LINGO1: variants seen among roughly 807,000 people sequenced by gnomAD.
LINGO1 encodes the protein leucine rich repeat and Ig domain containing 1, also known as leucine-rich repeat and immunoglobulin-like domain-containing nogo receptor-interacting protein 1.
A neutral mutation model predicts 37.3 loss-of-function variants in LINGO1; 11 were observed. That is an observed-to-expected ratio of 0.29 (90% CI 0.19 to 0.49). The LOEUF is 0.49. Among genes scored for constraint, LINGO1 ranks in the 20% least tolerant of loss-of-function variants. The probability of loss-of-function intolerance (pLI) is 0.99; values close to 1 mark genes in which losing one functional copy is unlikely to be tolerated. For synonymous variants in LINGO1, 387 were observed against 403.0 expected (o/e 0.96, Z 0.48); for missense variants, 585 against 878.2 (o/e 0.67, Z 4.22).
At chr15:77,701,106 T>C (rs2075777005), upstream of LINGO1, among the ~76,000 whole-genome samples, 3 of 152,190 alleles carry the variant, frequency 2.0e-5, no homozygotes, top group South Asian at 6.2e-4. Context: ...CATATGTCCC[T>C]TGCCCAAGGT....
chr15:77,711,323 G>C lies in LINGO1; in HGVS notation c.-194-20422C>G, dbSNP rs546503628. 4.6e-5 allele frequency among the ~76,000 whole-genome samples: 7 copies of C among 152,352 alleles called. 1 individual carries two copies. The East Asian group carries it at 9.6e-4, about 21-fold the overall frequency. On this transcript the variant is annotated intron_variant, in intron 2 of 3. Transcript: ENST00000561686. Reference sequence around the variant, plus strand: ...CCTATGAGACTGTGGCTTAAAGAGAGGCATGGTGCCTGTGTCACCTCTGTG... The same window carrying C: ...CCTATGAGACTGTGGCTTAAAGAGACGCATGGTGCCTGTGTCACCTCTGTG...
chr15:77,653,763 CATCTGA>C (rs2141146282), intron 3 of LINGO1, among the ~76,000 whole-genome samples: 1 of 152,258 alleles, frequency 6.6e-6, no homozygotes, highest in East Asian at 1.9e-4. Flanking sequence ...CCTAACAGTC[CATCTGA>C]AAGAGATGGC....
At chr15:77,637,597 T>C (rs1184812479), upstream of LINGO1, among the ~76,000 whole-genome samples, 2 of 152,174 alleles carry the variant, frequency 1.3e-5, no homozygotes, top group Admixed American at 6.5e-5. The surrounding 1 kb of genome is among the most constrained non-coding windows in gnomAD (Gnocchi z 4.6). Flanking sequence ...GGTATCTACC[T>C]GATGCTGATG....
intron 1 of LINGO1, among the ~76,000 whole-genome samples, chr15:77,735,235 C>T (rs1293357265): frequency 6.6e-6 from 1 of 152,244 alleles, no homozygotes; most frequent in East Asian, 1.9e-4. Flanking sequence ...CTAAAGATGC[C>T]ACATTCATTC....
At chr15:77,754,755 A>C (rs1304520446) in intron 1 of LINGO1, among the ~76,000 whole-genome samples, 2 of 152,238 alleles carry the variant, frequency 1.3e-5, no homozygotes, top group Admixed American at 1.3e-4. Context: ...TGTGCCCCAC[A>C]GTGCAGCGTC....
intron 2 of LINGO1, among the ~76,000 whole-genome samples, chr15:77,704,447 A>G (rs896955803): frequency 6.6e-5 from 10 of 151,872 alleles, no homozygotes; most frequent in African/African-American, 2.4e-4. Context: ...CCCTGGTCAG[A>G]CACTGAGTCC....
At chr15:77,623,970 TG>T (rs1379562642) in intron 1 of LINGO1, among the ~76,000 whole-genome samples, 5 of 150,082 alleles carry the variant, frequency 3.3e-5, no homozygotes, top group African/African-American at 1.2e-4. Context: ...TCTGTGTGTG[TG>T]GCCTGTGTGT....
At chr15:77,735,381 C>A (rs149126882) in intron 1 of LINGO1, among the ~76,000 whole-genome samples, 1 of 152,328 alleles carries the variant, frequency 6.6e-6, no homozygotes, top group Admixed American at 6.5e-5. Context: ...CTGTGTGCAG[C>A]GGAAGCCACA....
At position 77,615,670 on chromosome 15, in the gene LINGO1, G is replaced by A; in HGVS notation, c.237C>T (p.Gly79=). ...GGTTGAGCGTTTTGATGCGGTTCTT[G>A]CCTAGGTCCAGCAGGCGCGTCTCGG... The part of the protein sequence containing the change: ...IPTETRLLDL[G]KNRIKTLNQD... Residue 79 remains glycine, a synonymous_variant, in exon 2 of 2, where the codon GGC becomes GGT. Transcript: ENST00000355300. 7 of 1,610,144 alleles carry A rather than the reference G, an allele frequency of 4.3e-6. No homozygotes were observed. Among genetic ancestry groups the A allele is most frequent in the Non-Finnish European group, 5.1e-6 (6 of 1,177,908 alleles).
chr15:77,741,609 C>T (rs1171368389), intron 1 of LINGO1, among the ~76,000 whole-genome samples: 4 of 152,158 alleles, frequency 2.6e-5, no homozygotes, highest in Admixed American at 6.5e-5. Context: ...TGTGGCCAGC[C>T]GCTCTCCCCA....
chr15:77,807,525 T>C (rs2076970003), intron 1 of LINGO1, among the ~76,000 whole-genome samples: 1 of 152,130 alleles, frequency 6.6e-6, no homozygotes, highest in Non-Finnish European at 1.5e-5. Context: ...CACTCTGTAA[T>C]GGGGAAACTG....
chr15:77,659,636 C>A (rs555691187), intron 3 of LINGO1, among the ~76,000 whole-genome samples: 26 of 152,294 alleles, frequency 1.7e-4, no homozygotes, highest in Middle Eastern at 3.4e-3. Flanking sequence ...TGGGCTCCTG[C>A]CTACAGGGGT....
chr15:77,803,694 GT>G (rs2076937414), intron 1 of LINGO1, among the ~76,000 whole-genome samples: 2 of 152,016 alleles, frequency 1.3e-5, no homozygotes, highest in Admixed American at 6.6e-5. Context: ...TTGAAAGTGT[GT>G]GGCACTCCCC....
At chr15:77,698,526 C>T (rs1016138772), upstream of LINGO1, among the ~76,000 whole-genome samples, 2 of 152,160 alleles carry the variant, frequency 1.3e-5, no homozygotes, top group South Asian at 4.1e-4. Context: ...GGTCACACAC[C>T]AGGCAGGAGC....
At chr15:77,756,445 A>G (rs1464856275) in intron 1 of LINGO1, among the ~76,000 whole-genome samples, 1 of 151,974 alleles carries the variant, frequency 6.6e-6, no homozygotes, top group Non-Finnish European at 1.5e-5. Context: ...GTGTTTATAC[A>G]TGGTTTCACA....
At chr15:77,691,995 C>T (rs545023958) in intron 1 of LINGO1, among the ~76,000 whole-genome samples, 2 of 152,282 alleles carry the variant, frequency 1.3e-5, no homozygotes, top group Non-Finnish European at 1.5e-5. Flanking sequence ...CAACCACATG[C>T]GTGCTCCTGG....
intron 2 of LINGO1, among the ~76,000 whole-genome samples, chr15:77,729,196 T>C (rs8037835): frequency 0.017 from 2,588 of 152,266 alleles, 82 homozygotes; most frequent in African/African-American, 0.058. Context: ...GGGGAGATGA[T>C]GGAGGCACAT....
upstream of LINGO1, among the ~76,000 whole-genome samples, chr15:77,638,288 T>C (rs553564090): frequency 9.5e-4 from 113 of 118,748 alleles, no homozygotes; most frequent in African/African-American, 4.7e-3. Flanking sequence ...CCCGCCGAAG[T>C]TCCCCCCAGG....
At chr15:77,692,088 C>A (rs1445083373) in intron 1 of LINGO1, among the ~76,000 whole-genome samples, 1 of 152,214 alleles carries the variant, frequency 6.6e-6, no homozygotes, top group Non-Finnish European at 1.5e-5. Flanking sequence ...GCCCTTTGTG[C>A]CATGATGGCA....
Sources: gnomAD v4.1 joint callset for allele counts (sites outside exome capture counted in the v4.1 genomes callset) on GRCh38, gnomAD v4.1.1 for gene constraint, Gnocchi (gnomAD v3.1) non-coding constraint, MANE v1.5 for transcripts, NCBI Gene and HGNC (gene_info 2026-07-23, HGNC 2026-07-21) for gene names.